The following HTR2C variants were observed in gnomAD, a reference collection of about 807,000 sequenced individuals.
The protein encoded by HTR2C is 5-hydroxytryptamine (serotonin) receptor 2C, G protein-coupled.
Under a neutral mutation model 21.0 loss-of-function variants are expected in HTR2C, and 5 were observed. The observed-to-expected ratio is 0.24, with a 90% CI of 0.12 to 0.50. The LOEUF (loss-of-function observed/expected upper bound fraction) is 0.50, where lower values mean the gene tolerates loss of function less well. Among genes scored for constraint, HTR2C ranks in the 20% least tolerant of loss-of-function variants. HTR2C has a pLI of 0.98. For synonymous variants in HTR2C, 150 were observed against 145.3 expected, an observed-to-expected ratio of 1.03 and a Z score of -0.23; for missense variants, 271 against 371.2, an observed-to-expected ratio of 0.73 and a Z score of 2.22.
chrX:114,864,112 A>T (rs1258803264), intron 5 of HTR2C, among the ~76,000 whole-genome samples: 1 of 109,297 alleles, frequency 9.1e-6, no homozygotes, highest in Non-Finnish European at 1.9e-5. Context: ...TGATAAGAGA[A>T]TTTAATCCAT....
chrX:114,772,487 T>G (rs782176442), intron 4 of HTR2C, among the ~76,000 whole-genome samples: 59 of 87,490 alleles, frequency 6.7e-4, no homozygotes, highest in African/African-American at 7.3e-4. Flanking sequence ...CGGGGCGTGG[T>G]GGGGGGGCCT....
rs72620914 is a variant in HTR2C, at chrX:114,735,498, C to G, written c.349+3891C>G. Among the ~76,000 whole-genome samples the G allele has an allele frequency of 6.7e-4, 74 of 110,019 alleles. No individual in the cohort carries two copies. In the East Asian group the frequency reaches 0.02, roughly 29 times the overall value. The stretch of plus-strand genomic sequence containing the variant: ...TGGTATTTTAAGAGCAGAAAAATAC[C>G]ATGTCATATAATATATATTATGTTT... On this transcript the variant is annotated intron_variant, in intron 4 of 5. Transcript: ENST00000276198.
intron 1 of HTR2C, among the ~76,000 whole-genome samples, chrX:114,596,724 C>T (rs782425628): frequency 7.2e-5 from 8 of 111,469 alleles, no homozygotes; most frequent in Non-Finnish European, 1.1e-4. Context: ...AATTACTTTC[C>T]CCTGGAAAAT....
intron 2 of HTR2C, among the ~76,000 whole-genome samples, chrX:114,661,123 C>T (rs1556410061): frequency 8.9e-6 from 1 of 112,297 alleles, no homozygotes; most frequent in African/African-American, 3.2e-5. Flanking sequence ...AAGTATGTTT[C>T]TTGCCTTCGG....
At chrX:114,865,650 A>T (rs1556474368) in intron 5 of HTR2C, among the ~76,000 whole-genome samples, 1 of 111,123 alleles carries the variant, frequency 9.0e-6, no homozygotes. Flanking sequence ...GCATTTTTTT[A>T]TGAGCATATT....
intron 2 of HTR2C, among the ~76,000 whole-genome samples, chrX:114,617,588 C>T (rs1476191664): frequency 8.9e-6 from 1 of 112,220 alleles, no homozygotes; most frequent in Non-Finnish European, 1.9e-5. Context: ...AATTTCACAT[C>T]TTTGATTTAA....
chrX:114,630,798 A>G (rs1929581621), intron 2 of HTR2C: 1 of 364,202 alleles, frequency 2.7e-6, no homozygotes, highest in Non-Finnish European at 5.3e-6. Context: ...TGCTGTCTAC[A>G]GCACTGCCAA....
chrX:114,807,462 T>TATATATATACCATATATATACATC (rs1569496299), intron 4 of HTR2C, among the ~76,000 whole-genome samples: 4 of 6,207 alleles, frequency 6.4e-4, no homozygotes, highest in African/African-American at 1.6e-3. Context: ...ATATACGCCA[T>TATATATATACCATATATATACATC]ATATATATAC....
intron 3 of HTR2C, among the ~76,000 whole-genome samples, 185 bp downstream of exon 3, chrX:114,727,156 T>A (rs1443341749): frequency 1.8e-5 from 2 of 111,658 alleles, no homozygotes; most frequent in Admixed American, 9.6e-5. Context: ...GAAAAAAAAA[T>A]TTGGACTCTA....
intron 2 of HTR2C, among the ~76,000 whole-genome samples, chrX:114,671,455 C>T (rs1931376740): frequency 9.0e-6 from 1 of 111,685 alleles, no homozygotes; most frequent in South Asian, 3.7e-4. Context: ...TGATAAGTTG[C>T]AGTTTTTAAT....
intron 4 of HTR2C, among the ~76,000 whole-genome samples, chrX:114,806,049 T>C (rs1435283714): frequency 2.2e-5 from 2 of 90,829 alleles, no homozygotes; most frequent in Non-Finnish European, 4.4e-5. Flanking sequence ...ATATACCATA[T>C]GCATACCATA....
chrX:114,682,459 T>C (rs782319551), intron 2 of HTR2C, among the ~76,000 whole-genome samples: 7 of 111,598 alleles, frequency 6.3e-5, no homozygotes, highest in Non-Finnish European at 5.7e-5. Context: ...TTTCTACATA[T>C]TTCCATATGT....
At chrX:114,722,716 T>TA (rs1165142863) in intron 2 of HTR2C, among the ~76,000 whole-genome samples, 3 of 106,820 alleles carry the variant, frequency 2.8e-5, no homozygotes, top group Non-Finnish European at 1.9e-5. Flanking sequence ...TGTGAGTTTT[T>TA]AGCATGAAGG....
chrX:114,801,999 A>T (rs1240501236), intron 4 of HTR2C, among the ~76,000 whole-genome samples: 1 of 111,167 alleles, frequency 9.0e-6, no homozygotes, highest in African/African-American at 3.3e-5. Context: ...CATTTTCAAA[A>T]CCACAAAGAA....
At chrX:114,844,917 T>C (rs1397891037) in intron 4 of HTR2C, among the ~76,000 whole-genome samples, 1 of 111,740 alleles carries the variant, frequency 8.9e-6, no homozygotes, top group Admixed American at 9.6e-5. Context: ...ATAATAATAT[T>C]TGGAGATATC....
chrX:114,618,808 A>G (rs1014743626), intron 2 of HTR2C, among the ~76,000 whole-genome samples: 1 of 111,858 alleles, frequency 8.9e-6, no homozygotes, highest in Admixed American at 9.6e-5. Context: ...CCAGACAAGT[A>G]GTACATTGTG....
chrX:114,666,061 A>G lies in HTR2C; in HGVS notation c.-80+52180A>G, dbSNP rs782558445. On this transcript the variant is annotated intron_variant, in intron 2 of 5. Transcript: ENST00000276198. ...TCTGATATGATACTGCCTCTCTTCC[A>G]TCTTTATCATTTGCAACCAAATTAT... Among the ~76,000 whole-genome samples the G allele has an allele frequency of 6.3e-5, 7 of 111,968 alleles. No individual in the cohort carries two copies. The East Asian group carries it at 2.0e-3, about 31-fold the overall frequency.
chrX:114,635,129 G>T (rs1929792544), intron 2 of HTR2C, among the ~76,000 whole-genome samples: 1 of 70,848 alleles, frequency 1.4e-5, no homozygotes, highest in Non-Finnish European at 3.6e-5. Flanking sequence ...GATGCACCAA[G>T]GTAAACCTGC....
chrX:114,767,419 G>A (rs868996124), intron 4 of HTR2C, among the ~76,000 whole-genome samples: 2 of 110,170 alleles, frequency 1.8e-5, no homozygotes, highest in African/African-American at 3.3e-5. Flanking sequence ...AACTTTAAAG[G>A]GGAATTAATT....
Sources: allele counts gnomAD v4.1 joint callset (sites outside exome capture counted in the v4.1 genomes callset), GRCh38; gene constraint gnomAD v4.1.1; transcripts MANE v1.5; gene names NCBI Gene and HGNC (gene_info 2026-07-23, HGNC 2026-07-21).